The following NAV3 variants were observed in gnomAD, a reference collection of about 807,000 sequenced individuals.
NAV3 encodes the protein pore membrane and/or filament interacting like protein 1.
NAV3 carries 87 observed loss-of-function variants against 244.7 expected under a neutral mutation model. The ratio of observed to expected loss-of-function variants is 0.36; its 90% confidence interval spans 0.30 to 0.42. The LOEUF (loss-of-function observed/expected upper bound fraction) is 0.42, where lower values mean the gene tolerates loss of function less well. Ranked by LOEUF, NAV3 falls within the 20% of genes least tolerant of loss-of-function variation. NAV3 has a pLI of 1.00. For missense variants in NAV3, 2,663 were observed against 2,893.3 expected, an observed-to-expected ratio of 0.92 and a Z score of 1.83; for synonymous variants, 1,126 against 1,042.2, an observed-to-expected ratio of 1.08 and a Z score of -1.55.
At chr12:78,019,345 A>G (rs1876764829) in intron 8 of NAV3, among the ~76,000 whole-genome samples, 1 of 152,170 alleles carries the variant, frequency 6.6e-6, no homozygotes, top group Non-Finnish European at 1.5e-5. Context: ...TATATTTATA[A>G]AAGATTTGTT....
chr12:77,674,389 CT>C (rs375776245), intron 2 of NAV3, among the ~76,000 whole-genome samples: 12,556 of 145,658 alleles, frequency 0.086, 711 homozygotes, highest in African/African-American at 0.17. Context: ...TCAAATTATA[CT>C]TTTTTTTTTT....
At chr12:77,655,625 G>A (rs954636670) in intron 2 of NAV3, among the ~76,000 whole-genome samples, 11 of 152,044 alleles carry the variant, frequency 7.2e-5, no homozygotes, top group African/African-American at 1.2e-4. Context: ...GATACTCCTC[G>A]AGAAGAGCAA....
intron 18 of NAV3, 29 bp from the exon 19 acceptor site, chr12:78,137,148 T>C (rs893422987): frequency 6.3e-7 from 1 of 1,589,436 alleles, no homozygotes; most frequent in Non-Finnish European, 8.6e-7. Flanking sequence ...AGCTTAAGAG[T>C]AATAGGCTCT....
At chr12:77,997,790 G>A (rs2136436858) in intron 6 of NAV3, among the ~76,000 whole-genome samples, 1 of 152,286 alleles carries the variant, frequency 6.6e-6, no homozygotes, top group African/African-American at 2.4e-5. Context: ...CTGGGTCTTG[G>A]TACCATGTTT....
intron 1 of NAV3, among the ~76,000 whole-genome samples, chr12:77,863,108 G>A (rs986204747): frequency 6.6e-6 from 1 of 151,738 alleles, no homozygotes; most frequent in African/African-American, 2.4e-5. Flanking sequence ...TAAATTATTT[G>A]CAGCTGCTCA....
intron 17 of NAV3, among the ~76,000 whole-genome samples, chr12:78,128,417 C>T (rs1383946652): frequency 6.6e-6 from 1 of 152,074 alleles, no homozygotes; most frequent in Non-Finnish European, 1.5e-5. Context: ...TTGCCCTGTG[C>T]TTTTGAGTTC....
At position 77,601,917 on chromosome 12, in the gene NAV3, G is replaced by A. The variant is rs1299206774; in HGVS notation, c.72+29651G>A. On this transcript the variant is annotated intron_variant, in intron 2 of 8. Coordinates refer to the NAV3 transcript ENST00000550042. ...TAAGTGATTGAAGGTAGGGGATGAA[G>A]TTTTGTGAGGAACAATGCCTTTGAA... Among the ~76,000 whole-genome samples the A allele has an allele frequency of 2.0e-5, 3 of 151,982 alleles. No homozygotes were observed. In the East Asian group the frequency reaches 5.8e-4, roughly 29 times the overall value.
chr12:78,143,379 T>A (rs1473363007), intron 20 of NAV3: 1 of 450,744 alleles, frequency 2.2e-6, no homozygotes, highest in Non-Finnish European at 4.5e-6. Context: ...GCCGGTAATC[T>A]CAACACTTTG....
At chr12:78,024,799 T>C (rs1261248157) in intron 9 of NAV3, among the ~76,000 whole-genome samples, 1 of 151,876 alleles carries the variant, frequency 6.6e-6, no homozygotes, top group Non-Finnish European at 1.5e-5. Flanking sequence ...AACGGTGAGA[T>C]GCCGTCTCTA....
intron 12 of NAV3, among the ~76,000 whole-genome samples, chr12:78,116,105 G>A (rs1224225816): frequency 6.6e-6 from 1 of 152,186 alleles, no homozygotes; most frequent in Non-Finnish European, 1.5e-5. Flanking sequence ...GACATGGCCA[G>A]ATGTGAATTT....
In NAV3 at chr12:78,205,146, T is replaced by A; in HGVS notation, c.7038+8T>A. The A allele has an allele frequency of 6.2e-7, 1 of 1,611,422 alleles. No individual in the cohort carries two copies. The highest frequency in any genetic ancestry group is 8.5e-7 in the Non-Finnish European group (1 of 1,178,534). On this transcript the variant is annotated splice_region_variant and intron_variant, in intron 39 of 39. Coordinates refer to ENST00000397909, the MANE Select transcript of NAV3 (RefSeq NM_001024383.2). ...ACAGAAGGAGATCCCCTGGTAAGAA[T>A]CAGATGTTCATTTCTTCCTATGTAA...
At chr12:77,592,227 C>G (rs1249358827) in intron 2 of NAV3, among the ~76,000 whole-genome samples, 1 of 152,208 alleles carries the variant, frequency 6.6e-6, no homozygotes, top group Admixed American at 6.5e-5. Context: ...GCTGAAAGTG[C>G]ACTGTCTGCA....
At chr12:77,878,319 T>C (rs1460632138) in intron 1 of NAV3, among the ~76,000 whole-genome samples, 4 of 151,980 alleles carry the variant, frequency 2.6e-5, no homozygotes, top group South Asian at 2.1e-4. Flanking sequence ...TCCACCTCCC[T>C]GGTTCAAGCA....
At chr12:78,037,646 C>G (rs947830727) in intron 9 of NAV3, among the ~76,000 whole-genome samples, 33 of 152,034 alleles carry the variant, frequency 2.2e-4, no homozygotes, top group African/African-American at 7.5e-4. Flanking sequence ...ATTAGCCTCA[C>G]CTAGTGTCCA....
chr12:77,626,298 A>G (rs887082421), intron 2 of NAV3, among the ~76,000 whole-genome samples: 1 of 152,130 alleles, frequency 6.6e-6, no homozygotes, highest in African/African-American at 2.4e-5. Flanking sequence ...ATGATATATG[A>G]CATATGGGCC....
intron 2 of NAV3, among the ~76,000 whole-genome samples, chr12:77,597,228 C>T (rs140529018): frequency 5.9e-5 from 9 of 152,114 alleles, no homozygotes; most frequent in Admixed American, 1.3e-4. Flanking sequence ...TTGCTATAAG[C>T]GTGGCACCAC....
intron 15 of NAV3, 125 bp from the exon 16 acceptor site, chr12:78,121,815 G>A: frequency 8.2e-7 from 1 of 1,213,376 alleles, no homozygotes; most frequent in Non-Finnish European, 1.1e-6. Context: ...TTAACATAGA[G>A]ACAGGAAGTG....
intron 16 of NAV3, among the ~76,000 whole-genome samples, chr12:78,123,614 C>G (rs746360120): frequency 2.0e-5 from 3 of 152,068 alleles, no homozygotes; most frequent in African/African-American, 7.2e-5. Flanking sequence ...CAGGGACAGC[C>G]GTGCAAATGG....
At chr12:77,792,414 T>C (rs1035678296) in intron 2 of NAV3, among the ~76,000 whole-genome samples, 2 of 152,192 alleles carry the variant, frequency 1.3e-5, no homozygotes, top group Non-Finnish European at 2.9e-5. Context: ...TTCTAAGGCA[T>C]TGGATGTCAG....
Sources: gnomAD v4.1 joint callset for allele counts (sites outside exome capture counted in the v4.1 genomes callset) on GRCh38, gnomAD v4.1.1 for gene constraint, MANE v1.5 for transcripts, NCBI Gene and HGNC (gene_info 2026-07-23, HGNC 2026-07-21) for gene names.